ST6GALNAC3: variants seen among roughly 807,000 people sequenced by gnomAD.
ST6GALNAC3 encodes alpha-N-acetylgalactosaminide alpha-2,6-sialyltransferase 3.
In ST6GALNAC3, 25 loss-of-function variants were observed where a neutral mutation model predicts 32.7. The ratio of observed to expected loss-of-function variants is 0.76; its 90% CI spans 0.56 to 1.07. The LOEUF (loss-of-function observed/expected upper bound fraction) is 1.07, where lower values mean the gene tolerates loss of function less well. Among genes scored for constraint, ST6GALNAC3 ranks in the 50% least tolerant of loss-of-function variants. The pLI, the probability that ST6GALNAC3 is intolerant of heterozygous loss-of-function variation, is 0.00. For missense variants in ST6GALNAC3, 355 were observed against 382.4 expected (o/e 0.93, Z 0.60); for synonymous variants, 129 against 133.1 (o/e 0.97, Z 0.21).
chr1:76,497,103 A>T (rs1660897088), intron 3 of ST6GALNAC3, among the ~76,000 whole-genome samples: 1 of 152,230 alleles, frequency 6.6e-6, no homozygotes, highest in South Asian at 2.1e-4. Context: ...AGAGCTGGTC[A>T]TGAGTATTAA....
At chr1:76,192,286 T>G (rs1178185744) in intron 1 of ST6GALNAC3, among the ~76,000 whole-genome samples, 1 of 152,214 alleles carries the variant, frequency 6.6e-6, no homozygotes, top group Non-Finnish European at 1.5e-5. Flanking sequence ...GTGAGAGATG[T>G]AGAATTTTGG....
chr1:76,479,011 C>T (rs1289348973), intron 3 of ST6GALNAC3, among the ~76,000 whole-genome samples: 7 of 152,050 alleles, frequency 4.6e-5, no homozygotes, highest in African/African-American at 1.4e-4. Flanking sequence ...GATCTGCCCA[C>T]CTTGGCCTCC....
At chr1:76,182,468 A>C (rs1027043472) in intron 1 of ST6GALNAC3, among the ~76,000 whole-genome samples, 10 of 152,136 alleles carry the variant, frequency 6.6e-5, no homozygotes, top group Admixed American at 2.0e-4. Flanking sequence ...ACTTCATAGA[A>C]GTTTCTATTC....
At chr1:76,167,607 A>C (rs999826305) in intron 1 of ST6GALNAC3, among the ~76,000 whole-genome samples, 3 of 152,020 alleles carry the variant, frequency 2.0e-5, no homozygotes, top group African/African-American at 7.2e-5. Context: ...TCAGCTGTGA[A>C]TCCATCTGGC....
chr1:76,480,301 T>C (rs1228195386), intron 3 of ST6GALNAC3, among the ~76,000 whole-genome samples: 3 of 152,200 alleles, frequency 2.0e-5, no homozygotes, highest in Non-Finnish European at 4.4e-5. Flanking sequence ...AAGCAAGAGT[T>C]ATCTCCTGCA....
At chr1:76,582,452 CTTAA>C (rs1426245977) in intron 3 of ST6GALNAC3, among the ~76,000 whole-genome samples, 1 of 152,066 alleles carries the variant, frequency 6.6e-6, no homozygotes, top group Non-Finnish European at 1.5e-5. Flanking sequence ...CTTCCTCATC[CTTAA>C]TTAATTAAAG....
At chr1:76,175,452 T>C (rs1427981845) in intron 1 of ST6GALNAC3, among the ~76,000 whole-genome samples, 1 of 152,150 alleles carries the variant, frequency 6.6e-6, no homozygotes, top group East Asian at 1.9e-4. Flanking sequence ...GAACATGAAA[T>C]CTTATTTTAT....
intron 3 of ST6GALNAC3, among the ~76,000 whole-genome samples, chr1:76,617,489 G>A (rs1648377354): frequency 6.6e-6 from 1 of 152,108 alleles, no homozygotes; most frequent in African/African-American, 2.4e-5. Flanking sequence ...GCCTTAGGTA[G>A]AAAAAGGTGA....
At chr1:76,373,121 G>A (rs1650963394) in intron 2 of ST6GALNAC3, among the ~76,000 whole-genome samples, 1 of 152,106 alleles carries the variant, frequency 6.6e-6, no homozygotes, top group African/African-American at 2.4e-5. Flanking sequence ...ATAACAGATG[G>A]TAACAGGAAT....
chr1:76,581,397 G>T lies in ST6GALNAC3; in HGVS notation c.624-46055G>T, dbSNP rs184978165. On this transcript the variant is annotated intron_variant, in intron 3 of 4. Transcript: ENST00000328299. ...CACCCCAATTGGGAAGAGTGCATGT[G>T]TTATAATAAAATTATCTATTCACCA... 4.4e-4 allele frequency among the ~76,000 whole-genome samples: 67 copies of T among 152,250 alleles called. No individual in the cohort carries two copies. In the Middle Eastern group the frequency reaches 0.01, roughly 23 times the overall value.
intron 1 of ST6GALNAC3, among the ~76,000 whole-genome samples, chr1:76,101,306 TAA>T (rs1189426858): frequency 6.6e-6 from 1 of 152,296 alleles, no homozygotes; most frequent in East Asian, 1.9e-4. Flanking sequence ...AATATGCATT[TAA>T]GTTTCCTCCA....
intron 3 of ST6GALNAC3, among the ~76,000 whole-genome samples, chr1:76,485,404 G>A (rs1280891519): frequency 6.6e-6 from 1 of 152,150 alleles, no homozygotes; most frequent in South Asian, 2.1e-4. Context: ...TTCAGAGCCT[G>A]TTATTGGTCT....
chr1:76,545,948 C>T lies in ST6GALNAC3; in HGVS notation c.624-81504C>T, dbSNP rs368403019. ...TGCTGGGATCACTGGCGTGAGCCAC[C>T]GCACTTGGCAGAAGAAACGTTTTAC... is the stretch of plus-strand genomic sequence containing the variant. On this transcript the variant is annotated intron_variant, in intron 3 of 4. Coordinates refer to ENST00000328299, the MANE Select transcript of ST6GALNAC3 (RefSeq NM_152996.4). Among the ~76,000 whole-genome samples, 36 of 152,276 alleles carry T rather than the reference C, an allele frequency of 2.4e-4. No individual in the cohort carries two copies. The South Asian group carries it at 5.0e-3, about 21-fold the overall frequency.
At chr1:76,098,878 T>C (rs1647175746) in intron 1 of ST6GALNAC3, among the ~76,000 whole-genome samples, 1 of 152,162 alleles carries the variant, frequency 6.6e-6, no homozygotes, top group Non-Finnish European at 1.5e-5. Context: ...TTTTAGCATA[T>C]TAATGTCTAG....
intron 1 of ST6GALNAC3, among the ~76,000 whole-genome samples, chr1:76,122,689 T>C (rs1456653231): frequency 2.0e-5 from 3 of 152,144 alleles, no homozygotes; most frequent in African/African-American, 4.8e-5. Context: ...AAGTTTAATA[T>C]GGGGGTGATT....
At chr1:76,091,741 A>G (rs188333) in intron 1 of ST6GALNAC3, among the ~76,000 whole-genome samples, 5,732 of 152,304 alleles carry the variant, frequency 0.038, 137 homozygotes, top group South Asian at 0.076. Flanking sequence ...AATGTGCTGT[A>G]TGGGTTTGTA....
rs75435525 is a variant in ST6GALNAC3 at position 76,601,876 on chromosome 1, A to G, written c.624-25576A>G. Among the ~76,000 whole-genome samples the G allele has an allele frequency of 4.0e-3, 603 of 152,308 alleles. 3 individuals carry two copies. The highest frequency in any genetic ancestry group is 0.014 in the African/African-American group (572 of 41,576). On this transcript the variant is annotated intron_variant, in intron 3 of 4. Transcript: ENST00000328299. Reference sequence around the variant, plus strand: ...GGAAAGGAGAGATTTCAAAGCAGTTAAGAGGAAGTCCTGCTAGAAGTAGAC... The same window carrying G: ...GGAAAGGAGAGATTTCAAAGCAGTTGAGAGGAAGTCCTGCTAGAAGTAGAC...
At chr1:76,421,215 A>G (rs1377723913) in intron 3 of ST6GALNAC3, among the ~76,000 whole-genome samples, 2 of 152,108 alleles carry the variant, frequency 1.3e-5, no homozygotes, top group African/African-American at 4.8e-5. Context: ...GGTCACAGCA[A>G]TGCCAAAGAG....
At chr1:76,407,479 T>C (rs1325289) in intron 2 of ST6GALNAC3, among the ~76,000 whole-genome samples, 12,005 of 152,026 alleles carry the variant, frequency 0.079, 1,520 homozygotes, top group African/African-American at 0.27. Flanking sequence ...ATTTTAGACC[T>C]TAAATAAAAG....
Sources: allele counts gnomAD v4.1 joint callset (sites outside exome capture counted in the v4.1 genomes callset), GRCh38; gene constraint gnomAD v4.1.1; transcripts MANE v1.5; gene names NCBI Gene and HGNC (gene_info 2026-07-23, HGNC 2026-07-21).